Variants in KHDRBS2 observed in about 807,000 individuals in gnomAD.
KHDRBS2 encodes the protein KH RNA binding domain containing, signal transduction associated 2.
A neutral mutation model predicts 44.3 loss-of-function variants in KHDRBS2; 26 were observed. The observed-to-expected ratio is 0.59, with a 90% confidence interval of 0.43 to 0.81. KHDRBS2 has a LOEUF of 0.81. Ranked by LOEUF, KHDRBS2 falls within the 40% of genes least tolerant of loss-of-function variation. The pLI, the probability that KHDRBS2 is intolerant of heterozygous loss-of-function variation, is 0.00. For synonymous variants in KHDRBS2, 194 were observed against 151.1 expected (o/e 1.28, Z -2.08); for missense variants, 476 against 433.1 (o/e 1.10, Z -0.88).
chr6:62,139,068 T>A (rs927072430), intron 2 of KHDRBS2, among the ~76,000 whole-genome samples: 27 of 152,256 alleles, frequency 1.8e-4, no homozygotes, highest in Non-Finnish European at 3.8e-4. Flanking sequence ...ATTTTTTTTT[T>A]AGATGGAAAA....
intron 3 of KHDRBS2, among the ~76,000 whole-genome samples, chr6:62,040,747 T>C (rs142609565): frequency 5.5e-4 from 84 of 152,174 alleles, no homozygotes; most frequent in African/African-American, 1.9e-3. Flanking sequence ...CTTTAAACTC[T>C]AAGACATAGT....
At chr6:62,097,241 T>A (rs1800814118) in intron 2 of KHDRBS2, among the ~76,000 whole-genome samples, 1 of 151,972 alleles carries the variant, frequency 6.6e-6, no homozygotes, top group Non-Finnish European at 1.5e-5. Context: ...GTCTGTTAGG[T>A]TCACTTGGTC....
chr6:61,908,252 A>T (rs1805387741), intron 4 of KHDRBS2, among the ~76,000 whole-genome samples: 1 of 152,180 alleles, frequency 6.6e-6, no homozygotes, highest in African/African-American at 2.4e-5. Context: ...GAATAAGGAC[A>T]AAAGAGACAA....
At chr6:62,124,012 T>C (rs1333783068) in intron 2 of KHDRBS2, among the ~76,000 whole-genome samples, 4 of 152,228 alleles carry the variant, frequency 2.6e-5, no homozygotes, top group African/African-American at 9.6e-5. Flanking sequence ...GCCCTTTTCA[T>C]TGTATATGTT....
intron 4 of KHDRBS2, among the ~76,000 whole-genome samples, chr6:61,957,164 CTTACT>C (rs1457555049): frequency 6.6e-6 from 1 of 152,122 alleles, no homozygotes; most frequent in African/African-American, 2.4e-5. Context: ...TATGCCTGTC[CTTACT>C]TTAATCTCTT....
At chr6:61,965,920 A>G (rs1220654123) in intron 4 of KHDRBS2, among the ~76,000 whole-genome samples, 1 of 152,034 alleles carries the variant, frequency 6.6e-6, no homozygotes, top group Non-Finnish European at 1.5e-5. Flanking sequence ...ACCTTTGTGT[A>G]TATTCTTTAT....
intron 6 of KHDRBS2, among the ~76,000 whole-genome samples, chr6:61,741,194 C>G (rs1339355269): frequency 6.6e-6 from 1 of 151,662 alleles, no homozygotes; most frequent in Non-Finnish European, 1.5e-5. Flanking sequence ...TGGCTCTACT[C>G]TTACATGCAT....
At chr6:61,570,129 A>T in the KHDRBS2 span, among the ~76,000 whole-genome samples, 2 of 152,176 alleles carry the variant, frequency 1.3e-5, no homozygotes, top group Non-Finnish European at 2.9e-5. Context: ...TAAGGTACTC[A>T]AGGAGATCCC....
chr6:61,960,654 C>A (rs1428276975), intron 4 of KHDRBS2, among the ~76,000 whole-genome samples: 1 of 152,072 alleles, frequency 6.6e-6, no homozygotes, highest in African/African-American at 2.4e-5. Context: ...CCTCCATTAA[C>A]AAAACTCGAA....
the KHDRBS2 span, among the ~76,000 whole-genome samples, chr6:61,642,281 G>A: frequency 6.6e-6 from 1 of 151,848 alleles, no homozygotes; most frequent in Non-Finnish European, 1.5e-5. Context: ...TATTACCTTT[G>A]TCTTATACCT....
chr6:61,567,751 T>C, the KHDRBS2 span, among the ~76,000 whole-genome samples: 3 of 151,940 alleles, frequency 2.0e-5, no homozygotes, highest in Non-Finnish European at 4.4e-5. Flanking sequence ...CCTGACACAA[T>C]ACTCTCTCTT....
At position 61,894,179 on chromosome 6, in the gene KHDRBS2, T is replaced by C. The variant is rs1431280614; in HGVS notation, c.810+456A>G. Among the ~76,000 whole-genome samples the C allele has an allele frequency of 2.0e-5, 3 of 152,138 alleles. No homozygotes were observed. In the East Asian group the frequency reaches 5.8e-4, roughly 29 times the overall value. ...TTTTTATGCCAATCCACATCTTTAATATGGTGAAAGAAAGAGTCAGGATAT... is the reference window on the plus strand; with the variant it reads ...TTTTTATGCCAATCCACATCTTTAACATGGTGAAAGAAAGAGTCAGGATAT... On this transcript the variant is annotated intron_variant, in intron 6 of 8. Coordinates refer to ENST00000281156, the MANE Select transcript of KHDRBS2 (RefSeq NM_152688.4).
At chr6:61,545,020 T>G in the KHDRBS2 span, among the ~76,000 whole-genome samples, 10 of 151,962 alleles carry the variant, frequency 6.6e-5, no homozygotes, top group African/African-American at 2.4e-4. Context: ...ACATGGCACA[T>G]GTATACATAT....
intron 2 of KHDRBS2, among the ~76,000 whole-genome samples, chr6:62,124,323 A>G (rs1197198919): frequency 6.6e-6 from 1 of 152,182 alleles, no homozygotes; most frequent in East Asian, 1.9e-4. Context: ...TGCAAAATAA[A>G]GTCCAAGGTT....
At chr6:62,041,846 A>G (rs1786605062) in intron 3 of KHDRBS2, among the ~76,000 whole-genome samples, 1 of 152,198 alleles carries the variant, frequency 6.6e-6, no homozygotes, top group East Asian at 1.9e-4. Context: ...CTGTTATTGA[A>G]GCTTATGAAG....
chr6:62,069,344 T>C (rs1794462222), intron 2 of KHDRBS2, among the ~76,000 whole-genome samples: 1 of 151,798 alleles, frequency 6.6e-6, no homozygotes, highest in South Asian at 2.1e-4. Flanking sequence ...ATTTACTATG[T>C]TTATCCAACC....
At chr6:62,053,929 AT>A (rs900086323) in intron 2 of KHDRBS2, among the ~76,000 whole-genome samples, 3 of 152,002 alleles carry the variant, frequency 2.0e-5, no homozygotes, top group African/African-American at 7.2e-5. Context: ...TAATTAGAGA[AT>A]TTTTTTAAAG....
chr6:62,274,773 TGGA>T lies in KHDRBS2; in HGVS notation c.91+11082_91+11084del, dbSNP rs147309715. ...ATCTACTTCTCTTATCATTGTATTA[TGGA>T]GATTTTTATGTATCTCCTTCCCCCT... is the stretch of plus-strand genomic sequence containing the variant. On this transcript the variant is annotated intron_variant, in intron 1 of 8. Coordinates refer to ENST00000281156, the MANE Select transcript of KHDRBS2 (RefSeq NM_152688.4). 4.3e-4 allele frequency among the ~76,000 whole-genome samples: 65 copies of T among 152,270 alleles called. No homozygotes were observed. In the East Asian group the frequency reaches 0.011, roughly 25 times the overall value.
chr6:61,745,970 C>A (rs1776799137), intron 6 of KHDRBS2, among the ~76,000 whole-genome samples: 2 of 152,140 alleles, frequency 1.3e-5, no homozygotes, highest in South Asian at 4.1e-4. Flanking sequence ...TTAGAACTTG[C>A]CCCATTTCTG....
Sources: gnomAD v4.1 joint callset for allele counts (sites outside exome capture counted in the v4.1 genomes callset) on GRCh38, gnomAD v4.1.1 for gene constraint, MANE v1.5 for transcripts, NCBI Gene and HGNC (gene_info 2026-07-23, HGNC 2026-07-21) for gene names.